The following NHEJ1 variants were observed in gnomAD, a reference collection of about 807,000 sequenced individuals.
NHEJ1 encodes the protein non-homologous end joining factor 1.
In NHEJ1, 22 loss-of-function variants were observed where a neutral mutation model predicts 39.4. The ratio of observed to expected loss-of-function variants is 0.56; its 90% CI spans 0.40 to 0.80. NHEJ1 has a LOEUF of 0.80. Among genes scored for constraint, NHEJ1 ranks in the 30% least tolerant of loss-of-function variants. NHEJ1 has a pLI of 0.00. For missense variants in NHEJ1, 329 were observed against 357.1 expected, an observed-to-expected ratio of 0.92 and a Z score of 0.63; for synonymous variants, 154 against 135.6, an observed-to-expected ratio of 1.14 and a Z score of -0.94.
intron 5 of NHEJ1, chr2:219,125,670 C>T (rs1288156788): frequency 1.3e-5 from 2 of 152,252 alleles, no homozygotes; most frequent in Non-Finnish European, 2.9e-5. Context: ...TGATCCCTGC[C>T]GGTGAGAGAA....
intron 5 of NHEJ1, among the ~76,000 whole-genome samples, chr2:219,093,066 T>C (rs560107361): frequency 1.7e-4 from 26 of 152,352 alleles, no homozygotes; most frequent in Admixed American, 9.8e-4. Flanking sequence ...TATGTATATG[T>C]GTGTATATTA....
intron 5 of NHEJ1, among the ~76,000 whole-genome samples, chr2:219,134,779 C>T (rs1313096403): frequency 6.6e-6 from 1 of 152,102 alleles, no homozygotes; most frequent in African/African-American, 2.4e-5. Flanking sequence ...GTGGCTCACG[C>T]TGGTAATCCC....
rs1332219740 is a variant in NHEJ1, at chr2:219,074,800, A to T, written c.*1581T>A. ...GCCAGCTGATAGGCTGTTTTTATAT[A>T]GTTCCCAATTCACTTCGATGACAGT... On this transcript the variant is annotated 3_prime_UTR_variant, in exon 8 of 8. Transcript: ENST00000356853. Among the ~76,000 whole-genome samples, 1 of 152,032 alleles carries T rather than the reference A, an allele frequency of 6.6e-6. No homozygotes were observed. The highest frequency in any genetic ancestry group is 6.6e-5 in the Admixed American group (1 of 15,266).
Position 219,094,450 on chromosome 2 carries a change from GGAA to G in NHEJ1, c.589-16247_589-16245del, listed in dbSNP as rs527378779. Among the ~76,000 whole-genome samples the G allele has an allele frequency of 1.3e-3, 205 of 152,242 alleles. 1 individual carries two copies. Among genetic ancestry groups the G allele is most frequent in the African/African-American group, 4.7e-3 (194 of 41,544 alleles). On this transcript the variant is annotated intron_variant, in intron 5 of 7. Transcript: ENST00000356853. ...AGAGGAGTCAAGATAGGCTTGATTT[GGAA>G]GAAGTTTTCCTAAATGGATATGATC...
At chr2:219,117,685 G>A (rs542843427) in intron 5 of NHEJ1, among the ~76,000 whole-genome samples, 4 of 152,280 alleles carry the variant, frequency 2.6e-5, no homozygotes, top group Admixed American at 6.5e-5. Flanking sequence ...ACATGGTGTA[G>A]TGGAAAGAGC....
At chr2:219,077,598 C>T (rs1416484063) in intron 6 of NHEJ1, among the ~76,000 whole-genome samples, 1 of 152,124 alleles carries the variant, frequency 6.6e-6, no homozygotes, top group Non-Finnish European at 1.5e-5. Context: ...CGACTCAAAA[C>T]AGCCAGCTGT....
chr2:219,154,539 T>C (rs1949831029), intron 3 of NHEJ1, among the ~76,000 whole-genome samples: 1 of 152,228 alleles, frequency 6.6e-6, no homozygotes, highest in Non-Finnish European at 1.5e-5. Context: ...TATGACTGTG[T>C]GACCTTACAG....
chr2:219,094,794 C>T (rs1949191337), intron 5 of NHEJ1, among the ~76,000 whole-genome samples: 1 of 152,146 alleles, frequency 6.6e-6, no homozygotes, highest in Non-Finnish European at 1.5e-5. Flanking sequence ...ACAGGCAGCC[C>T]TGACACCAGG....
chr2:219,108,221 A>G (rs753983094), intron 5 of NHEJ1, among the ~76,000 whole-genome samples: 3 of 152,238 alleles, frequency 2.0e-5, no homozygotes, highest in Non-Finnish European at 4.4e-5. Flanking sequence ...AACAGTATCA[A>G]AACTGTCAGA....
At chr2:219,099,628 G>A (rs1399232788) in intron 5 of NHEJ1, among the ~76,000 whole-genome samples, 1 of 152,164 alleles carries the variant, frequency 6.6e-6, no homozygotes, top group Non-Finnish European at 1.5e-5. Context: ...TTAAAGAAGA[G>A]GGAGGAGACA....
At chr2:219,145,951 A>T (rs540725015) in intron 5 of NHEJ1, among the ~76,000 whole-genome samples, 2 of 152,090 alleles carry the variant, frequency 1.3e-5, no homozygotes, top group East Asian at 1.9e-4. Context: ...ATAAAAAAAA[A>T]AAAAAGAAAA....
At chr2:219,150,049 G>C (rs1356939411) in intron 3 of NHEJ1, among the ~76,000 whole-genome samples, 1 of 152,220 alleles carries the variant, frequency 6.6e-6, no homozygotes, top group Non-Finnish European at 1.5e-5. Context: ...CCCATAACAT[G>C]TGCAAGCCAG....
Position 219,147,758 on chromosome 2 carries a change from C to T in NHEJ1, c.428G>A (p.Ser143Asn), listed in dbSNP as rs769689300. The change falls in exon 4 of 8, where the codon AGT (serine) becomes AAT (asparagine). Residue 143 changes from serine (S) to asparagine (N), a missense_variant. By Grantham distance (46) the Ser-to-Asn change is conservative. Coordinates refer to ENST00000356853, the MANE Select transcript of NHEJ1 (RefSeq NM_024782.3). ...QHLIRPLMGM[S>N]LALQCQVREL... Reference sequence around the variant, plus strand: ...CCTCACTTGGCACTGTAATGCCAGACTCATGCCCATCAGAGGACGAATCAA... The same window carrying T: ...CCTCACTTGGCACTGTAATGCCAGATTCATGCCCATCAGAGGACGAATCAA... 2 of 1,614,160 alleles carry T rather than the reference C, an allele frequency of 1.2e-6. No homozygotes were observed. Among genetic ancestry groups the T allele is most frequent in the Admixed American group, 3.3e-5 (2 of 60,032 alleles).
At chr2:219,140,229 T>G (rs79664072) in intron 5 of NHEJ1, among the ~76,000 whole-genome samples, 3,518 of 152,234 alleles carry the variant, frequency 0.023, 142 homozygotes, top group African/African-American at 0.079. Context: ...TTGTAGGAGA[T>G]GAGGTCAGAA....
intron 5 of NHEJ1, among the ~76,000 whole-genome samples, chr2:219,085,182 T>C (rs567152456): frequency 2.0e-4 from 31 of 152,346 alleles, no homozygotes; most frequent in Non-Finnish European, 3.7e-4. Context: ...CCTCAGAGTC[T>C]GAGAGAAAAA....
intron 5 of NHEJ1, among the ~76,000 whole-genome samples, chr2:219,087,018 G>T (rs185378695): frequency 4.6e-5 from 7 of 151,940 alleles, no homozygotes; most frequent in East Asian, 1.9e-4. Flanking sequence ...TGGTTTCCTG[G>T]GGGGGACGGA....
intron 5 of NHEJ1, among the ~76,000 whole-genome samples, chr2:219,127,052 C>T (rs1001144677): frequency 6.6e-6 from 1 of 152,090 alleles, no homozygotes; most frequent in African/African-American, 2.4e-5. Context: ...GTGGCCAGAT[C>T]ATAAGGGCCT....
intron 3 of NHEJ1, among the ~76,000 whole-genome samples, chr2:219,149,835 C>G (rs111659437): frequency 2.0e-5 from 3 of 152,340 alleles, no homozygotes; most frequent in African/African-American, 7.2e-5. Flanking sequence ...CTACTGGACT[C>G]TCCTGTTGTA....
At chr2:219,141,514 A>G (rs1047255106) in intron 5 of NHEJ1, among the ~76,000 whole-genome samples, 7 of 152,148 alleles carry the variant, frequency 4.6e-5, no homozygotes, top group African/African-American at 1.7e-4. Context: ...GTAAGGACAA[A>G]GAGGAAAGTG....
Sources: allele counts gnomAD v4.1 joint callset (sites outside exome capture counted in the v4.1 genomes callset), GRCh38; gene constraint gnomAD v4.1.1; transcripts MANE v1.5; gene names NCBI Gene and HGNC (gene_info 2026-07-23, HGNC 2026-07-21).